ERGIC1: variants seen among roughly 807,000 people sequenced by gnomAD.
The protein encoded by ERGIC1 is endoplasmic reticulum-Golgi intermediate compartment protein 1.
A neutral mutation model predicts 38.3 loss-of-function variants in ERGIC1; 19 were observed. The ratio of observed to expected loss-of-function variants is 0.50; its 90% confidence interval spans 0.35 to 0.73. ERGIC1 has a LOEUF of 0.73. Among genes scored for constraint, ERGIC1 ranks in the 30% least tolerant of loss-of-function variants. ERGIC1 has a pLI of 0.01. For missense variants in ERGIC1, 294 were observed against 389.2 expected, an observed-to-expected ratio of 0.76 and a Z score of 2.06; for synonymous variants, 124 against 157.6, an observed-to-expected ratio of 0.79 and a Z score of 1.60.
rs79627257 is a variant in ERGIC1, at chr5:172,845,727, A to G, written c.20+11294A>G. ...AAGCTAGTACAGACACCCTACATCC[A>G]TTCCGCGAGGGTCCCCACCTTCCAT... On this transcript the variant is annotated intron_variant, in intron 1 of 9. Coordinates refer to ENST00000393784, the MANE Select transcript of ERGIC1 (RefSeq NM_001031711.3). Among the ~76,000 whole-genome samples, 29 of 152,306 alleles carry G rather than the reference A, an allele frequency of 1.9e-4. No homozygotes were observed. The East Asian group carries it at 5.2e-3, about 27-fold the overall frequency.
At chr5:172,909,238 C>T (rs1420491489) in intron 3 of ERGIC1, among the ~76,000 whole-genome samples, 1 of 135,118 alleles carries the variant, frequency 7.4e-6, no homozygotes, top group Non-Finnish European at 1.5e-5. Flanking sequence ...GGCGCAATCT[C>T]GGCTCACTGC....
chr5:172,877,417 T>C (rs968854941), intron 1 of ERGIC1, among the ~76,000 whole-genome samples: 3 of 120,636 alleles, frequency 2.5e-5, no homozygotes, highest in African/African-American at 1.0e-4. Context: ...TATATGTGTG[T>C]GTGTGTGTGT....
chr5:172,853,411 C>T (rs1483499303), intron 1 of ERGIC1, among the ~76,000 whole-genome samples: 1 of 152,220 alleles, frequency 6.6e-6, no homozygotes, highest in East Asian at 1.9e-4. Context: ...GCATCTTCCT[C>T]AGTGGAGCCT....
At chr5:172,935,055 G>A in intron 8 of ERGIC1, 133 bp from the exon 9 acceptor site, 2 of 1,297,408 alleles carry the variant, frequency 1.5e-6, no homozygotes, top group Non-Finnish European at 1.1e-6. Context: ...GAGGGAGTGG[G>A]GGAGTCTGGC....
chr5:172,900,935 A>C (rs934253893), intron 3 of ERGIC1, among the ~76,000 whole-genome samples: 8 of 152,220 alleles, frequency 5.3e-5, no homozygotes, highest in African/African-American at 1.7e-4. Flanking sequence ...CCGCAGGATG[A>C]GCCCTAAGAC....
intron 2 of ERGIC1, among the ~76,000 whole-genome samples, chr5:172,892,168 A>C (rs1762584459): frequency 6.6e-6 from 1 of 150,616 alleles, no homozygotes; most frequent in Non-Finnish European, 1.5e-5. Flanking sequence ...GAGACAGCAA[A>C]TTTCCTTACA....
chr5:172,940,924 G>A (rs746604488), intron 9 of ERGIC1, among the ~76,000 whole-genome samples: 3 of 152,366 alleles, frequency 2.0e-5, no homozygotes, highest in Non-Finnish European at 4.4e-5. Context: ...AGCATCCAGT[G>A]AAGGGCCTGA....
rs1283307520 is a variant in ERGIC1 at position 172,951,525 on chromosome 5, G to C, written c.*709G>C. 1 of 152,278 alleles carries C rather than the reference G, an allele frequency of 6.6e-6. No homozygotes were observed. Among genetic ancestry groups the C allele is most frequent in the African/African-American group, 2.4e-5 (1 of 41,446 alleles). The allele number at this position is 152,278 out of a possible 1,614,324, so 9.4% of individuals were successfully genotyped here. On this transcript the variant is annotated 3_prime_UTR_variant, in exon 10 of 10. Transcript: ENST00000393784. ...ACTTGAATCTGCCCACCAGTCACAA[G>C]GCGGGTCACAGATTCCTCTTCCTCT...
Position 172,877,465 on chromosome 5 carries a change from T to A in ERGIC1, c.21-11234T>A, listed in dbSNP as rs1212534664. On this transcript the variant is annotated intron_variant, in intron 1 of 9. Coordinates refer to ENST00000393784, the MANE Select transcript of ERGIC1 (RefSeq NM_001031711.3). ...GTATATATATATATATATATTTTTTTTTTTTTTTTTTGAGATGGAGTTTTG... is the reference window on the plus strand; with the variant it reads ...GTATATATATATATATATATTTTTTATTTTTTTTTTTGAGATGGAGTTTTG... Among the ~76,000 whole-genome samples the A allele has an allele frequency of 1.2e-3, 173 of 139,172 alleles. 1 individual carries two copies. Among genetic ancestry groups the A allele is most frequent in the African/African-American group, 3.9e-3 (150 of 37,986 alleles). The allele number at this position is 139,172 out of a possible 152,430, so 91.3% of individuals were successfully genotyped here.
intron 5 of ERGIC1, 139 bp from the exon 6 acceptor site, chr5:172,923,866 G>A (rs1561738543): frequency 1.3e-6 from 1 of 753,162 alleles, no homozygotes. Flanking sequence ...CCTTTGCACA[G>A]TTGAAAATGA....
At chr5:172,836,615 C>G (rs1761043328) in intron 1 of ERGIC1, among the ~76,000 whole-genome samples, 1 of 152,232 alleles carries the variant, frequency 6.6e-6, no homozygotes, top group Non-Finnish European at 1.5e-5. Flanking sequence ...CATGCACCTT[C>G]CTCCGCTTCA....
intron 5 of ERGIC1, among the ~76,000 whole-genome samples, chr5:172,920,971 T>C (rs147371436): frequency 2.0e-5 from 3 of 152,366 alleles, no homozygotes; most frequent in East Asian, 3.9e-4. Flanking sequence ...GGCATAAATG[T>C]TAAAACCCAC....
intron 3 of ERGIC1, among the ~76,000 whole-genome samples, chr5:172,898,942 G>A (rs768360034): frequency 2.0e-5 from 3 of 152,168 alleles, no homozygotes; most frequent in Admixed American, 2.0e-4. Context: ...GCGGCAAGAG[G>A]TTGAGACTTG....
rs1407292610 is a variant in ERGIC1, at chr5:172,932,689, G to A, written c.642+153G>A. ...AGCTTGGGCCAGGCGCTGTCCCTGG[G>A]TAAAATTGAAAAGCCCAGTCCCTGC... is the stretch of plus-strand genomic sequence containing the variant. On this transcript the variant is annotated intron_variant, in intron 8 of 9. Coordinates refer to ENST00000393784, the MANE Select transcript of ERGIC1 (RefSeq NM_001031711.3). The A allele has an allele frequency of 8.4e-6, 6 of 717,488 alleles. No individual in the cohort carries two copies. In the South Asian group the frequency reaches 9.0e-5, roughly 11 times the overall value. 44.4% of individuals were successfully genotyped at this position (717,488 alleles called of 1,614,324 possible).
chr5:172,923,334 T>C (rs1460008372), intron 5 of ERGIC1, among the ~76,000 whole-genome samples: 2 of 124,410 alleles, frequency 1.6e-5, no homozygotes, highest in African/African-American at 3.1e-5. Context: ...AGGATCATAC[T>C]AAGGGTTCTA....
chr5:172,853,381 G>A (rs563773579), intron 1 of ERGIC1, among the ~76,000 whole-genome samples: 3 of 152,312 alleles, frequency 2.0e-5, no homozygotes, highest in East Asian at 3.9e-4. Flanking sequence ...AGGTGGAGGA[G>A]CTGGTCAGGC....
chr5:172,919,356 A>G (rs1763453725), intron 5 of ERGIC1, among the ~76,000 whole-genome samples: 1 of 152,164 alleles, frequency 6.6e-6, no homozygotes, highest in Non-Finnish European at 1.5e-5. Flanking sequence ...CTGGGCTGAA[A>G]AAATATATGT....
chr5:172,900,315 ATTCC>A (rs750256808), intron 3 of ERGIC1, among the ~76,000 whole-genome samples: 2 of 152,036 alleles, frequency 1.3e-5, no homozygotes, highest in African/African-American at 2.4e-5. Context: ...ACTGCTCCCC[ATTCC>A]CCCGTGCCAG....
chr5:172,890,070 A>C (rs1762519065), intron 2 of ERGIC1, among the ~76,000 whole-genome samples: 1 of 152,200 alleles, frequency 6.6e-6, no homozygotes, highest in Non-Finnish European at 1.5e-5. Context: ...TTTACTGAGG[A>C]AATATGGCAA....
Sources: gnomAD v4.1 joint callset for allele counts (sites outside exome capture counted in the v4.1 genomes callset) on GRCh38, gnomAD v4.1.1 for gene constraint, MANE v1.5 for transcripts, NCBI Gene and HGNC (gene_info 2026-07-23, HGNC 2026-07-21) for gene names.